The following C2orf66 variants were observed in gnomAD, a reference collection of about 807,000 sequenced individuals.
C2orf66 encodes chromosome 2 open reading frame 66.
In C2orf66, 6 loss-of-function variants were observed where a neutral mutation model predicts 7.0. The ratio of observed to expected loss-of-function variants is 0.86; its 90% CI spans 0.47 to 1.69. The LOEUF is 1.69. C2orf66 is among the 40% of genes most tolerant of loss of function. The probability of loss-of-function intolerance (pLI) is 0.01; values close to 1 mark genes in which losing one functional copy is unlikely to be tolerated. For synonymous variants in C2orf66, 38 were observed against 43.8 expected, an observed-to-expected ratio of 0.87 and a Z score of 0.52; for missense variants, 107 against 112.0, an observed-to-expected ratio of 0.96 and a Z score of 0.20.
At chr2:196,819,528 G>T in the C2orf66 span, among the ~76,000 whole-genome samples, 1 of 151,842 alleles carries the variant, frequency 6.6e-6, no homozygotes, top group Non-Finnish European at 1.5e-5. Flanking sequence ...AATGTCTGTT[G>T]TTCACAAGCC....
Position 196,807,565 on chromosome 2 carries a change from GA to G in C2orf66, c.180del (p.Pro61GlnfsTer45), listed in dbSNP as rs1384466503. 1 of 1,613,874 alleles carries G rather than the reference GA, an allele frequency of 6.2e-7. No individual in the cohort carries two copies. On this transcript the variant is annotated frameshift_variant, in exon 2 of 3. Transcript: ENST00000342506. LOFTEE classifies it high-confidence loss of function. ...FKGRGLDLGTFPNPFPTNENP... is the reference protein window; with the variant it reads ...FKGRGLDLGTXPNPFPTNENP... ...TTTTCATTCGTGGGGAAAGGATTTGGAAATGTTCCAAGATCAAGACCTCTGC... is the reference window on the plus strand; with the variant it reads ...TTTTCATTCGTGGGGAAAGGATTTGGAATGTTCCAAGATCAAGACCTCTGC...
chr2:196,814,859 T>C, the C2orf66 span, among the ~76,000 whole-genome samples: 1 of 152,360 alleles, frequency 6.6e-6, no homozygotes, highest in Admixed American at 6.5e-5. Flanking sequence ...AAGGAACCGA[T>C]GGACCAAAGG....
the C2orf66 span, among the ~76,000 whole-genome samples, chr2:196,829,765 C>T: frequency 6.6e-5 from 10 of 151,726 alleles, no homozygotes; most frequent in East Asian, 7.8e-4. Context: ...GGCGTGGTGG[C>T]GGGCGCCTGT....
At chr2:196,822,805 A>C in the C2orf66 span, among the ~76,000 whole-genome samples, 1 of 152,204 alleles carries the variant, frequency 6.6e-6, no homozygotes, top group Non-Finnish European at 1.5e-5. Context: ...TAACAACAAC[A>C]AAAATCCTTG....
the C2orf66 span, among the ~76,000 whole-genome samples, chr2:196,822,259 C>G: frequency 6.6e-6 from 1 of 151,992 alleles, no homozygotes; most frequent in African/African-American, 2.4e-5. Context: ...TAACAAAGAA[C>G]AAAAACAAAA....
Position 196,809,313 on chromosome 2 carries a change from T to C in C2orf66, c.24A>G (p.Leu8=). 1 of 1,614,008 alleles carries C rather than the reference T, an allele frequency of 6.2e-7. No individual in the cohort carries two copies. Among genetic ancestry groups the C allele is most frequent in the Non-Finnish European group, 8.5e-7 (1 of 1,179,948 alleles). MTRAPLL[L]LCVALVLLGH... ...CAAGCAGCACCAGGGCAACACATAG[T>C]AGCAGGAGAGGTGCTCTGGTCATGG... Residue 8 remains leucine, a synonymous_variant, in exon 1 of 3, where the codon CTA becomes CTG. Transcript: ENST00000342506.
chr2:196,805,044 CT>C lies in C2orf66; in HGVS notation c.*383del, dbSNP rs1302191781. 1 of 151,958 alleles carries C rather than the reference CT, an allele frequency of 6.6e-6. No homozygotes were observed. The highest frequency in any genetic ancestry group is 2.4e-5 in the African/African-American group (1 of 41,366). The allele number at this position is 151,958 out of a possible 1,614,324, so 9.4% of individuals were successfully genotyped here. On this transcript the variant is annotated 3_prime_UTR_variant, in exon 3 of 3. Transcript: ENST00000342506. ...TACTATACTAAAAGTGAGCATGTCC[CT>C]TTAAAAAAATATATTGGTCGATAAA...
At chr2:196,826,946 G>A in the C2orf66 span, among the ~76,000 whole-genome samples, 19 of 152,088 alleles carry the variant, frequency 1.2e-4, no homozygotes, top group Non-Finnish European at 1.9e-4. Flanking sequence ...CAGGGGAATC[G>A]CTTGAACCCG....
chr2:196,824,580 T>G, the C2orf66 span, among the ~76,000 whole-genome samples: 4 of 152,190 alleles, frequency 2.6e-5, no homozygotes, highest in Admixed American at 2.0e-4. Flanking sequence ...CTTTCTAAAT[T>G]TAAAACTGTA....
chr2:196,830,247 TA>T, the C2orf66 span, among the ~76,000 whole-genome samples: 1 of 152,134 alleles, frequency 6.6e-6, no homozygotes, highest in African/African-American at 2.4e-5. Context: ...GGGCACCTGT[TA>T]AAAAAATTCC....
chr2:196,823,982 G>T, the C2orf66 span, among the ~76,000 whole-genome samples: 1 of 152,132 alleles, frequency 6.6e-6, no homozygotes, highest in East Asian at 1.9e-4. Context: ...TAACACTGAA[G>T]TCACAGAGTT....
chr2:196,817,785 G>C, the C2orf66 span, among the ~76,000 whole-genome samples: 3 of 152,112 alleles, frequency 2.0e-5, no homozygotes, highest in Non-Finnish European at 4.4e-5. Context: ...GCTAGGAAAA[G>C]AATTTAGTGA....
the C2orf66 span, among the ~76,000 whole-genome samples, chr2:196,826,246 A>G: frequency 1.1e-3 from 163 of 152,318 alleles, no homozygotes; most frequent in East Asian, 0.019. Context: ...CCCTAAATAT[A>G]TTTTTGTGTC....
the C2orf66 span, among the ~76,000 whole-genome samples, chr2:196,824,624 GGA>G: frequency 6.6e-6 from 1 of 152,116 alleles, no homozygotes; most frequent in Admixed American, 6.5e-5. Flanking sequence ...AGAATACAAT[GGA>G]GATTCATAAT....
At chr2:196,832,033 C>A in the C2orf66 span, 1 of 152,040 alleles carries the variant, frequency 6.6e-6, no homozygotes, top group East Asian at 1.9e-4. Context: ...TTTTTTCTCA[C>A]GTCAGAAATA....
chr2:196,809,511 A>C (rs1699853248), upstream of C2orf66: 5 of 839,726 alleles, frequency 6.0e-6, no homozygotes, highest in South Asian at 9.5e-5. Context: ...ATTGACTTCT[A>C]AATGAGGACC....
chr2:196,817,776 C>T, the C2orf66 span, among the ~76,000 whole-genome samples: 23 of 152,094 alleles, frequency 1.5e-4, no homozygotes, highest in Admixed American at 1.4e-3. Context: ...TTAATCCTTG[C>T]TAGGAAAAGA....
chr2:196,828,364 T>C, the C2orf66 span, among the ~76,000 whole-genome samples: 1 of 152,160 alleles, frequency 6.6e-6, no homozygotes, highest in African/African-American at 2.4e-5. Context: ...TGAAACATTT[T>C]ATGTTTAATT....
chr2:196,816,499 T>C, the C2orf66 span, among the ~76,000 whole-genome samples: 18 of 152,260 alleles, frequency 1.2e-4, no homozygotes, highest in East Asian at 3.1e-3. Context: ...TTCTAAAAAA[T>C]GGCAAAGTAA....
Sources: allele counts gnomAD v4.1 joint callset (sites outside exome capture counted in the v4.1 genomes callset), GRCh38; gene constraint gnomAD v4.1.1; transcripts MANE v1.5; gene names NCBI Gene and HGNC (gene_info 2026-07-23, HGNC 2026-07-21).